The following TMEM232 variants were observed in gnomAD, a reference collection of about 807,000 sequenced individuals.
TMEM232 encodes transmembrane protein 232.
Under a neutral mutation model 78.8 loss-of-function variants are expected in TMEM232, and 80 were observed. The ratio of observed to expected loss-of-function variants is 1.01; its 90% CI spans 0.85 to 1.22. The LOEUF (loss-of-function observed/expected upper bound fraction) is 1.22, where lower values mean the gene tolerates loss of function less well. Ranked by LOEUF, TMEM232 falls within the 50% of genes most tolerant of loss-of-function variation. The probability of loss-of-function intolerance (pLI) is 0.00; values close to 1 mark genes in which losing one functional copy is unlikely to be tolerated. For synonymous variants in TMEM232, 297 were observed against 254.3 expected (o/e 1.17, Z -1.60); for missense variants, 881 against 742.2 (o/e 1.19, Z -2.17).
chr5:110,659,398 T>C (rs1036679153), intron 2 of TMEM232, among the ~76,000 whole-genome samples: 3 of 152,082 alleles, frequency 2.0e-5, no homozygotes, highest in Non-Finnish European at 2.9e-5. Flanking sequence ...ACATAGATTG[T>C]TGGCCAAGAA....
At chr5:110,495,933 TGACA>T (rs1765592498) in intron 12 of TMEM232, among the ~76,000 whole-genome samples, 1 of 151,716 alleles carries the variant, frequency 6.6e-6, no homozygotes, top group Admixed American at 6.6e-5. Flanking sequence ...CCATTCATAC[TGACA>T]AAGAAATAAT....
At chr5:110,673,081 A>C (rs1455284534) in intron 1 of TMEM232, among the ~76,000 whole-genome samples, 1 of 152,226 alleles carries the variant, frequency 6.6e-6, no homozygotes, top group Non-Finnish European at 1.5e-5. Context: ...AGACTGGATT[A>C]AGAAAATGTG....
intron 11 of TMEM232, among the ~76,000 whole-genome samples, chr5:110,561,360 A>T (rs910571221): frequency 6.6e-6 from 1 of 151,892 alleles, no homozygotes; most frequent in African/African-American, 2.4e-5. Context: ...TCATCTGTAA[A>T]ATCAAGACCA....
At chr5:110,638,950 T>C (rs1313101172) in intron 4 of TMEM232, among the ~76,000 whole-genome samples, 1 of 152,020 alleles carries the variant, frequency 6.6e-6, no homozygotes, top group Non-Finnish European at 1.5e-5. Context: ...CCGGTGAAGC[T>C]GAAGGAAGAA....
rs185398268 is a variant in TMEM232 at position 110,581,541 on chromosome 5, T to C, written c.1277-12916A>G. Reference sequence around the variant, plus strand: ...TCAGACTTAATTAAAGACTTAAATGTGAGACTACAAACTATAAAAATCCTA... The same window carrying C: ...TCAGACTTAATTAAAGACTTAAATGCGAGACTACAAACTATAAAAATCCTA... On this transcript the variant is annotated intron_variant, in intron 10 of 13. Coordinates refer to ENST00000455884, the MANE Select transcript of TMEM232 (RefSeq NM_001039763.4). Among the ~76,000 whole-genome samples the C allele has an allele frequency of 7.4e-3, 1,119 of 152,080 alleles. 6 individuals carry two copies. The highest frequency in any genetic ancestry group is 0.013 in the Non-Finnish European group (879 of 67,958).
At chr5:110,422,519 CAAAAAAA>C (rs34448955) in intron 13 of TMEM232, among the ~76,000 whole-genome samples, 8 of 34,556 alleles carry the variant, frequency 2.3e-4, no homozygotes, top group East Asian at 1.8e-3. Context: ...GACTCTGTCT[CAAAAAAA>C]AAAAAAAAAA....
chr5:110,556,398 T>C (rs1027823624), intron 11 of TMEM232, among the ~76,000 whole-genome samples: 7 of 151,684 alleles, frequency 4.6e-5, no homozygotes, highest in African/African-American at 1.7e-4. Flanking sequence ...TCCTTCTTTC[T>C]TTCTTTCAGG....
In TMEM232 at chr5:110,565,584, C is replaced by G. The variant is rs116434005; in HGVS notation, c.1455+2863G>C. ...GGCTGAGGAATAACTTGTTCCAAGT[C>G]CCATCTGAATAAAGAGATTGTGTGG... is the stretch of plus-strand genomic sequence containing the variant. On this transcript the variant is annotated intron_variant, in intron 11 of 13. Coordinates refer to ENST00000455884, the MANE Select transcript of TMEM232 (RefSeq NM_001039763.4). Among the ~76,000 whole-genome samples, 514 of 152,062 alleles carry G rather than the reference C, an allele frequency of 3.4e-3. 3 individuals are homozygous for G. The highest frequency in any genetic ancestry group is 6.1e-3 in the Non-Finnish European group (412 of 67,902).
chr5:110,548,610 C>T (rs1232843865), intron 11 of TMEM232, among the ~76,000 whole-genome samples: 1 of 151,208 alleles, frequency 6.6e-6, no homozygotes. Context: ...TTTAAAAGAA[C>T]AAGAAACAGG....
chr5:110,581,494 T>C (rs1300010000), intron 10 of TMEM232, among the ~76,000 whole-genome samples: 3 of 151,956 alleles, frequency 2.0e-5, no homozygotes, highest in Admixed American at 1.3e-4. Context: ...ACCCCTTCCT[T>C]AAACTATATA....
intron 12 of TMEM232, among the ~76,000 whole-genome samples, chr5:110,487,399 G>A (rs1020033172): frequency 1.3e-5 from 2 of 152,032 alleles, no homozygotes; most frequent in Non-Finnish European, 2.9e-5. Flanking sequence ...GTTCTCAGAG[G>A]GAATGCTTTC....
intron 2 of TMEM232, among the ~76,000 whole-genome samples, chr5:110,663,710 T>C (rs1262412123): frequency 7.3e-6 from 1 of 136,454 alleles, no homozygotes; most frequent in Non-Finnish European, 1.7e-5. Context: ...TCTCATACTC[T>C]TATAGACTGG....
At chr5:110,680,464 C>CTTTGA (rs1219883272) in intron 1 of TMEM232, among the ~76,000 whole-genome samples, 3 of 146,508 alleles carry the variant, frequency 2.0e-5, no homozygotes, top group Non-Finnish European at 4.5e-5. Context: ...AAAATCAGAG[C>CTTTGA]TTTGACATAA....
chr5:110,584,300 A>G (rs1350503664), intron 10 of TMEM232, among the ~76,000 whole-genome samples: 1 of 151,898 alleles, frequency 6.6e-6, no homozygotes, highest in Non-Finnish European at 1.5e-5. Context: ...TATATATAAA[A>G]TGAAATATAT....
chr5:110,568,524 T>C lies in TMEM232; in HGVS notation c.1378A>G (p.Met460Val). 5 of 1,549,590 alleles carry C rather than the reference T, an allele frequency of 3.2e-6. No individual in the cohort carries two copies. Among genetic ancestry groups the C allele is most frequent in the South Asian group, 1.2e-5 (1 of 83,904 alleles). ...GDEEQDGLRN[M>V]IWQTLQKTKD... is the part of the protein sequence containing the mutation. ...GTTTTCTGCAATGTTTGCCATATCATGTTTCTAAGTCCATCCTGTTCTTCG... is the reference window on the plus strand; with the variant it reads ...GTTTTCTGCAATGTTTGCCATATCACGTTTCTAAGTCCATCCTGTTCTTCG... The change falls in exon 11 of 14, where the codon ATG becomes GTG. Residue 460 changes from methionine (M) to valine (V), a missense_variant. Physicochemically the swap from Met to Val is conservative, Grantham distance 21. Transcript: ENST00000455884.
intron 1 of TMEM232, among the ~76,000 whole-genome samples, chr5:110,711,283 A>G (rs1476840810): frequency 6.6e-6 from 1 of 152,192 alleles, no homozygotes; most frequent in Non-Finnish European, 1.5e-5. Flanking sequence ...ACTGAAATAC[A>G]TTTCATGTTC....
intron 11 of TMEM232, among the ~76,000 whole-genome samples, chr5:110,544,088 C>G (rs1773485767): frequency 6.6e-6 from 1 of 152,024 alleles, no homozygotes; most frequent in Non-Finnish European, 1.5e-5. Context: ...CAACTTTAAC[C>G]ATTTATTTAC....
chr5:110,682,030 T>A (rs1355150384), intron 1 of TMEM232, among the ~76,000 whole-genome samples: 1 of 152,222 alleles, frequency 6.6e-6, no homozygotes, highest in Non-Finnish European at 1.5e-5. Flanking sequence ...CTTCTTCTGC[T>A]ATTAAGACAC....
intron 10 of TMEM232, among the ~76,000 whole-genome samples, chr5:110,595,865 C>T (rs1051278152): frequency 5.9e-5 from 9 of 152,036 alleles, no homozygotes; most frequent in African/African-American, 9.7e-5. Flanking sequence ...GGATATTATC[C>T]GGAAGAACTT....
Sources: gnomAD v4.1 joint callset for allele counts (sites outside exome capture counted in the v4.1 genomes callset) on GRCh38, gnomAD v4.1.1 for gene constraint, MANE v1.5 for transcripts, NCBI Gene and HGNC (gene_info 2026-07-23, HGNC 2026-07-21) for gene names.